The following FOXP2 variants were observed in gnomAD, a reference collection of about 807,000 sequenced individuals.
The protein encoded by FOXP2 is forkhead box P2.
A neutral mutation model predicts 115.8 loss-of-function variants in FOXP2; 12 were observed. The ratio of observed to expected loss-of-function variants is 0.10; its 90% confidence interval spans 0.07 to 0.17. The LOEUF (loss-of-function observed/expected upper bound fraction) is 0.17, where lower values mean the gene tolerates loss of function less well. FOXP2 is among the 10% of genes least tolerant of loss of function. The pLI is 1.00. For missense variants in FOXP2, 629 were observed against 843.5 expected (o/e 0.75, Z 3.15); for synonymous variants, 328 against 297.7 (o/e 1.10, Z -1.05).
chr7:114,249,131 G>A (rs1219275973), intron 1 of FOXP2, among the ~76,000 whole-genome samples: 1 of 152,174 alleles, frequency 6.6e-6, no homozygotes, highest in Non-Finnish European at 1.5e-5. Context: ...ATCAGAGTAA[G>A]GGGGAAAAGT....
chr7:114,179,475 T>C (rs966237406), intron 1 of FOXP2, among the ~76,000 whole-genome samples: 4 of 151,998 alleles, frequency 2.6e-5, no homozygotes, highest in African/African-American at 9.7e-5. Context: ...CATGCCTTGT[T>C]CAAGCCTGTG....
chr7:114,251,290 G>C (rs1375318625), intron 1 of FOXP2, among the ~76,000 whole-genome samples: 1 of 152,010 alleles, frequency 6.6e-6, no homozygotes. Context: ...GCTCTTTTTT[G>C]GTTCCATATG....
At chr7:114,442,544 A>G (rs187653285) in intron 2 of FOXP2, among the ~76,000 whole-genome samples, 51 of 152,174 alleles carry the variant, frequency 3.4e-4, no homozygotes, top group African/African-American at 1.1e-3. Flanking sequence ...TGCAGCCTCA[A>G]TTTCCTGGGC....
At chr7:114,305,381 G>A (rs889502228) in intron 2 of FOXP2, among the ~76,000 whole-genome samples, 6 of 152,036 alleles carry the variant, frequency 3.9e-5, no homozygotes, top group African/African-American at 1.2e-4. Flanking sequence ...TAGTTTTCGA[G>A]TATTACATCT....
In FOXP2 at chr7:114,426,798, A is replaced by G. The variant is rs1017634565; in HGVS notation, c.168+119A>G. On this transcript the variant is annotated intron_variant, in intron 2 of 16. Transcript: ENST00000350908. ...TTAAGCTAAAAGATGCTGAGAATTT[A>G]TTATTATTTGGAACATGATTGAAGG... 9.1e-6 allele frequency: 10 copies of G among 1,098,540 alleles called. No individual in the cohort carries two copies. The African/African-American group carries it at 1.6e-4, about 17-fold the overall frequency. The allele number at this position is 1,098,540 out of a possible 1,614,324, so 68.0% of individuals were successfully genotyped here. A position where few individuals can be genotyped will look rare whatever the true frequency, so the allele number is the denominator to read the frequency against.
intron 1 of FOXP2, among the ~76,000 whole-genome samples, chr7:114,246,620 T>G (rs971587602): frequency 3.9e-5 from 6 of 152,150 alleles, no homozygotes; most frequent in Admixed American, 2.0e-4. Context: ...TCATTCATTT[T>G]TTTCAATAAA....
At chr7:114,118,192 A>G (rs923660788) in intron 1 of FOXP2, among the ~76,000 whole-genome samples, 1 of 152,136 alleles carries the variant, frequency 6.6e-6, no homozygotes, top group African/African-American at 2.4e-5. Flanking sequence ...AATGGCAAAA[A>G]AAGAATGGGA....
chr7:114,345,277 AT>A (rs1791320403), intron 2 of FOXP2, among the ~76,000 whole-genome samples: 1 of 151,526 alleles, frequency 6.6e-6, no homozygotes, highest in Admixed American at 6.6e-5. Flanking sequence ...GTGACAGCCT[AT>A]TAAAGTAAGC....
chr7:114,580,909 C>T (rs890852168), intron 3 of FOXP2, among the ~76,000 whole-genome samples: 42 of 151,644 alleles, frequency 2.8e-4, no homozygotes, highest in Non-Finnish European at 1.5e-5. Flanking sequence ...GACTAGAGTC[C>T]CATAATTTTT....
chr7:114,266,224 A>G (rs951648888), intron 1 of FOXP2, among the ~76,000 whole-genome samples: 10 of 151,578 alleles, frequency 6.6e-5, no homozygotes, highest in Non-Finnish European at 1.2e-4. Flanking sequence ...AACTCTTCCA[A>G]CCTCTTCCTA....
At chr7:114,388,407 T>TTAA (rs34166936) in intron 2 of FOXP2, among the ~76,000 whole-genome samples, 1 of 150,172 alleles carries the variant, frequency 6.7e-6, no homozygotes, top group Non-Finnish European at 1.5e-5. Context: ...TTTTTTTTTT[T>TTAA]AGTCTCTGAG....
At chr7:114,215,273 A>G (rs1373270745) in intron 1 of FOXP2, among the ~76,000 whole-genome samples, 2 of 152,158 alleles carry the variant, frequency 1.3e-5, no homozygotes, top group Non-Finnish European at 1.5e-5. Flanking sequence ...ATAAGATCCA[A>G]TTAATCTGCA....
intron 3 of FOXP2, among the ~76,000 whole-genome samples, chr7:114,564,990 A>G (rs1224023515): frequency 6.6e-6 from 1 of 151,700 alleles, no homozygotes; most frequent in African/African-American, 2.4e-5. Flanking sequence ...TATTTAATTC[A>G]TTAATAAATA....
At chr7:114,363,438 G>C (rs1584667393) in intron 2 of FOXP2, among the ~76,000 whole-genome samples, 2 of 152,224 alleles carry the variant, frequency 1.3e-5, no homozygotes, top group East Asian at 3.9e-4. Flanking sequence ...AAGTATGTCA[G>C]TGGCATAAGG....
At chr7:114,215,830 C>T (rs1318415773) in intron 1 of FOXP2, among the ~76,000 whole-genome samples, 1 of 152,092 alleles carries the variant, frequency 6.6e-6, no homozygotes. Context: ...AGCAATTTCC[C>T]ATCCAAAATT....
At chr7:114,447,211 C>T (rs573183715) in intron 2 of FOXP2, among the ~76,000 whole-genome samples, 5 of 152,148 alleles carry the variant, frequency 3.3e-5, no homozygotes, top group East Asian at 3.9e-4. Context: ...TCCCACTGTC[C>T]GAATTGCCGT....
intron 2 of FOXP2, among the ~76,000 whole-genome samples, chr7:114,356,840 A>C (rs1289522478): frequency 1.3e-5 from 2 of 152,212 alleles, no homozygotes; most frequent in African/African-American, 4.8e-5. Context: ...GAATGAATGA[A>C]TACCTATTTA....
chr7:114,296,940 A>C (rs1796753773), intron 2 of FOXP2, among the ~76,000 whole-genome samples: 1 of 152,186 alleles, frequency 6.6e-6, no homozygotes, highest in African/African-American at 2.4e-5. Flanking sequence ...GATAATTTCT[A>C]TCTGTGCCCC....
intron 2 of FOXP2, among the ~76,000 whole-genome samples, chr7:114,500,461 A>G (rs1474314639): frequency 6.6e-6 from 1 of 152,022 alleles, no homozygotes; most frequent in Non-Finnish European, 1.5e-5. Context: ...ATGTATACAT[A>G]TATTAATATA....
Sources: gnomAD v4.1 joint callset for allele counts (sites outside exome capture counted in the v4.1 genomes callset) on GRCh38, gnomAD v4.1.1 for gene constraint, MANE v1.5 for transcripts, NCBI Gene and HGNC (gene_info 2026-07-23, HGNC 2026-07-21) for gene names.